Variants in APCDD1 observed in about 807,000 individuals in gnomAD.
APCDD1 encodes the protein protein APCDD1.
APCDD1 carries 15 observed loss-of-function variants against 38.1 expected under a neutral mutation model. That is an observed-to-expected ratio of 0.39 (90% CI 0.26 to 0.61). The LOEUF (loss-of-function observed/expected upper bound fraction) is 0.61. Ranked by LOEUF, APCDD1 falls within the 20% of genes least tolerant of loss-of-function variation. The pLI is 0.49. For missense variants in APCDD1, 647 were observed against 696.2 expected (o/e 0.93, Z 0.79); for synonymous variants, 261 against 279.7 (o/e 0.93, Z 0.67).
At chr18:10,482,267 T>A (rs2031158464) in intron 3 of APCDD1, among the ~76,000 whole-genome samples, 1 of 152,318 alleles carries the variant, frequency 6.6e-6, no homozygotes, top group Non-Finnish European at 1.5e-5. Context: ...ATGAAGGAGT[T>A]GCAACTGATG....
rs2030982498 is a variant in APCDD1, at chr18:10,475,797, G to GGC, written c.774+3737_774+3738insCG. 1.3e-5 allele frequency: 2 copies of GGC among 151,188 alleles called. No individual in the cohort carries two copies. The highest frequency in any genetic ancestry group is 4.9e-5 in the African/African-American group (2 of 40,620). 9.4% of individuals were successfully genotyped at this position (151,188 alleles called of 1,614,324 possible). ...AGCTGCCTCGCAAGATGGCTGAGGG[G>GGC]GGGGGGGGTCAGTGGAAGGCCGAGT... On this transcript the variant is annotated intron_variant, in intron 3 of 4. Transcript: ENST00000355285. The surrounding 1 kb of genome is among the most constrained non-coding windows in gnomAD (Gnocchi z 4.0).
Position 10,476,007 on chromosome 18 carries a change from T to G in APCDD1, c.774+3946T>G, listed in dbSNP as rs1225090082. The G allele has an allele frequency of 6.6e-6, 1 of 152,234 alleles. No individual in the cohort carries two copies. The highest frequency in any genetic ancestry group is 1.5e-5 in the Non-Finnish European group (1 of 68,072). The allele number at this position is 152,234 out of a possible 1,614,324, so 9.4% of individuals were successfully genotyped here. A position where few individuals can be genotyped will look rare whatever the true frequency, so the allele number is the denominator to read the frequency against. ...CGGGCACCAGAAAGACTGGGCACTGTGTGCCCACGCGGGCCCAGCCACAGC... is the reference window on the plus strand; with the variant it reads ...CGGGCACCAGAAAGACTGGGCACTGGGTGCCCACGCGGGCCCAGCCACAGC... On this transcript the variant is annotated intron_variant, in intron 3 of 4. Transcript: ENST00000355285. The surrounding 1 kb of genome is among the most constrained non-coding windows in gnomAD (Gnocchi z 5.8).
chr18:10,466,981 A>G (rs1450014123), intron 1 of APCDD1, among the ~76,000 whole-genome samples: 1 of 152,240 alleles, frequency 6.6e-6, no homozygotes, highest in Non-Finnish European at 1.5e-5. Context: ...GAACGATCAG[A>G]AGCTGTCTTT....
At position 10,471,803 on chromosome 18, in the gene APCDD1, G is replaced by C; in HGVS notation, c.516G>C (p.Pro172=). ...GCCAGCAGGTGAACCGCACATGCCC[G>C]GGCTTCCTCGCAGACGGGGGTCCCT... ...KLGQQVNRTC[P]GFLADGGPWV... The change falls in exon 3 of 5, where the codon CCG becomes CCC. Residue 172 remains proline (P), a synonymous_variant. Coordinates refer to ENST00000355285, the MANE Select transcript of APCDD1 (RefSeq NM_153000.5). The surrounding 1 kb of genome is among the most constrained non-coding windows in gnomAD (Gnocchi z 5.5). 1 of 1,613,632 alleles carries C rather than the reference G, an allele frequency of 6.2e-7. No homozygotes were observed. The highest frequency in any genetic ancestry group is 8.5e-7 in the Non-Finnish European group (1 of 1,179,716).
Position 10,454,872 on chromosome 18 carries a change from C to G in APCDD1, c.-110C>G, listed in dbSNP as rs1038066894. ...GGCGCGCGGCAGCCGCCTGAAGCCC[C>G]GGCCTGGCCCGGCCGCACCCGGCCG... On this transcript the variant is annotated 5_prime_UTR_variant, in exon 1 of 5. Coordinates refer to ENST00000355285, the MANE Select transcript of APCDD1 (RefSeq NM_153000.5). 2.5e-6 allele frequency: 3 copies of G among 1,186,208 alleles called. No homozygotes were observed. Among genetic ancestry groups the G allele is most frequent in the East Asian group, 4.2e-5 (1 of 23,952 alleles). 73.5% of individuals were successfully genotyped at this position (1,186,208 alleles called of 1,614,324 possible). A position where few individuals can be genotyped will look rare whatever the true frequency, so the allele number is the denominator to read the frequency against.
chr18:10,484,503 T>C (rs1358267351), intron 3 of APCDD1, among the ~76,000 whole-genome samples: 1 of 152,182 alleles, frequency 6.6e-6, no homozygotes, highest in Non-Finnish European at 1.5e-5. Flanking sequence ...ATCGCATTCA[T>C]GTTATTATAC....
At chr18:10,455,093 GCCGCGGAGC>G (rs904230903) in intron 1 of APCDD1, 54 bp downstream of exon 1, 10 of 1,543,734 alleles carry the variant, frequency 6.5e-6, no homozygotes, top group African/African-American at 1.4e-5. Flanking sequence ...CAGCCCGGGC[GCCGCGGAGC>G]CCGCGGAGGC....
rs1191904119 is a variant in APCDD1, at chr18:10,476,263, T to C, written c.774+4202T>C. The stretch of plus-strand genomic sequence containing the variant: ...CTAGAAACAGGACACCGTGTAAAAA[T>C]AGAAACTTTAAGTCAACTTGTTTTT... On this transcript the variant is annotated intron_variant, in intron 3 of 4. Transcript: ENST00000355285. The surrounding 1 kb of genome is among the most constrained non-coding windows in gnomAD (Gnocchi z 5.8). 1 of 152,194 alleles carries C rather than the reference T, an allele frequency of 6.6e-6. No individual in the cohort carries two copies. The highest frequency in any genetic ancestry group is 1.9e-4 in the East Asian group (1 of 5,180). 9.4% of individuals were successfully genotyped at this position (152,194 alleles called of 1,614,324 possible).
Position 10,467,631 on chromosome 18 carries a change from G to A in APCDD1, c.59-838G>A, listed in dbSNP as rs767196038. Reference sequence around the variant, plus strand: ...TACTGCTAGTATGTCTTTACCCCTGGGAAATAAACATATGTAATCTTCTTG... The same window carrying A: ...TACTGCTAGTATGTCTTTACCCCTGAGAAATAAACATATGTAATCTTCTTG... On this transcript the variant is annotated intron_variant, in intron 1 of 4. Coordinates refer to ENST00000355285, the MANE Select transcript of APCDD1 (RefSeq NM_153000.5). This position sits in a 1 kb window ranked among gnomAD's most constrained non-coding sequence, Gnocchi z 4.8. Among the ~76,000 whole-genome samples, 8 of 152,104 alleles carry A rather than the reference G, an allele frequency of 5.3e-5. No homozygotes were observed. Among genetic ancestry groups the A allele is most frequent in the Non-Finnish European group, 5.9e-5 (4 of 68,018 alleles).
rs138626055 is a variant in APCDD1, at chr18:10,468,520, G to A, written c.110G>A (p.Arg37Lys). 3.7e-6 allele frequency: 6 copies of A among 1,614,066 alleles called. No individual in the cohort carries two copies. Among genetic ancestry groups the A allele is most frequent in the Admixed American group, 3.3e-5 (2 of 60,006 alleles). ...LLHPDSRSHP[R>K]SLEKSAWRAF... ...CATCCAGACAGCAGGTCTCATCCTA[G>A]GTCCTTAGAGAAAAGTGCCTGGAGG... is the stretch of plus-strand genomic sequence containing the variant. Residue 37 changes from arginine to lysine, a missense_variant, in exon 2 of 5, where the codon AGG (arginine) becomes AAG (lysine). Physicochemically the swap from Arg to Lys is conservative, Grantham distance 26. Transcript: ENST00000355285.
chr18:10,472,146 C>G lies in APCDD1; in HGVS notation c.774+85C>G. On this transcript the variant is annotated intron_variant, in intron 3 of 4. Transcript: ENST00000355285. This position sits in a 1 kb window ranked among gnomAD's most constrained non-coding sequence, Gnocchi z 6.6. ...GCTTGCCATGGGGGCTCTAGGGCAC[C>G]CTTGAAAGGGGGAATTCTGCATCAT... is the stretch of plus-strand genomic sequence containing the variant. 6.3e-7 allele frequency: 1 copy of G among 1,574,976 alleles called. No homozygotes were observed. Among genetic ancestry groups the G allele is most frequent in the Non-Finnish European group, 8.7e-7 (1 of 1,151,446 alleles).
chr18:10,469,471 C>G lies in APCDD1; in HGVS notation c.242+819C>G, dbSNP rs977675632. Among the ~76,000 whole-genome samples, 3 of 152,184 alleles carry G rather than the reference C, an allele frequency of 2.0e-5. No homozygotes were observed. The highest frequency in any genetic ancestry group is 4.8e-5 in the African/African-American group (2 of 41,452). ...GTATAAACAACCTTCATGTTACATA[C>G]TTTTAAAATATTTATCATTTTATTC... On this transcript the variant is annotated intron_variant, in intron 2 of 4. Transcript: ENST00000355285. The surrounding 1 kb of genome is among the most constrained non-coding windows in gnomAD (Gnocchi z 5.5).
rs575833539 is a variant in APCDD1, at chr18:10,484,132, A to C, written c.775-1330A>C. 2.6e-5 allele frequency among the ~76,000 whole-genome samples: 4 copies of C among 152,300 alleles called. No homozygotes were observed. The East Asian group carries it at 7.7e-4, about 29-fold the overall frequency. ...GACCAGGCAAGAGAGGGTCTTCTGG[A>C]AGGTCAGAGCTGTGGCCGTCTTGCT... On this transcript the variant is annotated intron_variant, in intron 3 of 4. Transcript: ENST00000355285.
At position 10,476,092 on chromosome 18, in the gene APCDD1, C is replaced by T. The variant is rs1037373225; in HGVS notation, c.774+4031C>T. The T allele has an allele frequency of 6.6e-6, 1 of 152,272 alleles. No homozygotes were observed. The highest frequency in any genetic ancestry group is 2.4e-5 in the African/African-American group (1 of 41,460). 9.4% of individuals were successfully genotyped at this position (152,272 alleles called of 1,614,324 possible). A position where few individuals can be genotyped will look rare whatever the true frequency, so the allele number is the denominator to read the frequency against. On this transcript the variant is annotated intron_variant, in intron 3 of 4. Transcript: ENST00000355285. The surrounding 1 kb of genome is among the most constrained non-coding windows in gnomAD (Gnocchi z 5.8). ...ACAGGAAGAAAGGCTGGGAGAACGT[C>T]TTCAAAGACCGTACACGCCTGCCCA...
intron 4 of APCDD1, among the ~76,000 whole-genome samples, chr18:10,486,183 C>G (rs961063450): frequency 1.3e-5 from 2 of 152,150 alleles, no homozygotes; most frequent in Non-Finnish European, 2.9e-5. Flanking sequence ...GAGGCCCTAA[C>G]TCTATAAAAA....
intron 1 of APCDD1, among the ~76,000 whole-genome samples, chr18:10,466,016 G>C (rs147730532): frequency 9.7e-4 from 147 of 152,244 alleles, no homozygotes; most frequent in African/African-American, 2.0e-3. Flanking sequence ...TCAAGTTTTA[G>C]AAGATAGCTT....
chr18:10,486,621 C>T lies in APCDD1; in HGVS notation c.1096+838C>T, dbSNP rs533494598. Among the ~76,000 whole-genome samples, 8 of 152,226 alleles carry T rather than the reference C, an allele frequency of 5.3e-5. No individual in the cohort carries two copies. The South Asian group carries it at 8.3e-4, about 16-fold the overall frequency. On this transcript the variant is annotated intron_variant, in intron 4 of 4. Transcript: ENST00000355285. ...TTCAGGCTGTGTCCTTATCACTAAA[C>T]GAGGAGGGGAGGAAGGAGCTGCACC...
At position 10,469,670 on chromosome 18, in the gene APCDD1, CA is replaced by C. The variant is rs1453765601; in HGVS notation, c.242+1019del. ...AGCAACAGGTGCTAAAAGAGAATAC[CA>C]GGGGGCCCCATTTTAAAATCAGGGC... On this transcript the variant is annotated intron_variant, in intron 2 of 4. Transcript: ENST00000355285. This position sits in a 1 kb window ranked among gnomAD's most constrained non-coding sequence, Gnocchi z 5.5. 6.6e-6 allele frequency among the ~76,000 whole-genome samples: 1 copy of C among 152,016 alleles called. No homozygotes were observed. The highest frequency in any genetic ancestry group is 1.5e-5 in the Non-Finnish European group (1 of 67,998).
rs1459054400 is a variant in APCDD1 at position 10,476,922 on chromosome 18, T to A, written c.774+4861T>A. 6.6e-6 allele frequency: 1 copy of A among 152,240 alleles called. No homozygotes were observed. Among genetic ancestry groups the A allele is most frequent in the Non-Finnish European group, 1.5e-5 (1 of 68,052 alleles). 9.4% of individuals were successfully genotyped at this position (152,240 alleles called of 1,614,324 possible). Reference sequence around the variant, plus strand: ...TTGAGGTAGCTTGCCTCTCAGAGGCTTTTTAGAGGATGTGTGACCTGTGCA... The same window carrying A: ...TTGAGGTAGCTTGCCTCTCAGAGGCATTTTAGAGGATGTGTGACCTGTGCA... On this transcript the variant is annotated intron_variant, in intron 3 of 4. Transcript: ENST00000355285. This position sits in a 1 kb window ranked among gnomAD's most constrained non-coding sequence, Gnocchi z 5.8.
Sources: gnomAD v4.1 joint callset for allele counts (sites outside exome capture counted in the v4.1 genomes callset) on GRCh38, gnomAD v4.1.1 for gene constraint, Gnocchi (gnomAD v3.1) non-coding constraint, MANE v1.5 for transcripts, NCBI Gene and HGNC (gene_info 2026-07-23, HGNC 2026-07-21) for gene names.